PDZD2: variants seen among roughly 807,000 people sequenced by gnomAD.
PDZD2 encodes PDZ domain-containing protein 2.
PDZD2 carries 90 observed loss-of-function variants against 220.7 expected under a neutral mutation model. The ratio of observed to expected loss-of-function variants is 0.41; its 90% CI spans 0.34 to 0.49. The LOEUF is 0.49. Among genes scored for constraint, PDZD2 ranks in the 20% least tolerant of loss-of-function variants. PDZD2 has a pLI of 0.28. For synonymous variants in PDZD2, 1,375 were observed against 1,450.5 expected, an observed-to-expected ratio of 0.95 and a Z score of 1.18; for missense variants, 3,174 against 3,608.5, an observed-to-expected ratio of 0.88 and a Z score of 3.08.
chr5:31,947,809 C>T (rs1746779377), intron 2 of PDZD2, among the ~76,000 whole-genome samples: 1 of 151,566 alleles, frequency 6.6e-6, no homozygotes, highest in South Asian at 2.1e-4. Context: ...AGAGTGTGAC[C>T]TGGTCTATGC....
intron 1 of PDZD2, among the ~76,000 whole-genome samples, chr5:31,675,004 G>C (rs1746351529): frequency 6.6e-6 from 1 of 152,336 alleles, no homozygotes; most frequent in East Asian, 1.9e-4. Flanking sequence ...CTGTATGTGG[G>C]AACCGGGTGC....
chr5:31,647,794 T>C (rs1745188751), intron 1 of PDZD2, among the ~76,000 whole-genome samples: 1 of 152,210 alleles, frequency 6.6e-6, no homozygotes, highest in Admixed American at 6.5e-5. Flanking sequence ...TTTGGGGAGC[T>C]ACTATTCAAC....
rs745579825 is a variant in PDZD2, at chr5:32,074,109, G to A, written c.3003G>A (p.Pro1001=). The change falls in exon 18 of 25, where the codon CCG becomes CCA. Residue 1001 remains proline (P), a synonymous_variant. Coordinates refer to ENST00000438447, the MANE Select transcript of PDZD2 (RefSeq NM_178140.4). ...TCAGGCCTCTGTCAGAGGATGACCCGAGGCGTGTCTCAATTTCCTCTTCCA... is the reference window on the plus strand; with the variant it reads ...TCAGGCCTCTGTCAGAGGATGACCCAAGGCGTGTCTCAATTTCCTCTTCCA... The part of the protein sequence containing the change: ...GPIRPLSEDD[P]RRVSISSSKG... The A allele has an allele frequency of 1.4e-5, 22 of 1,614,082 alleles. No homozygotes were observed. Among genetic ancestry groups the A allele is most frequent in the Middle Eastern group, 1.6e-4 (1 of 6,084 alleles).
chr5:31,906,850 A>G (rs1357000125), intron 2 of PDZD2, among the ~76,000 whole-genome samples: 2 of 152,162 alleles, frequency 1.3e-5, no homozygotes, highest in Non-Finnish European at 2.9e-5. Context: ...CTCAAAAAAA[A>G]GAAAAAACAA....
intron 2 of PDZD2, among the ~76,000 whole-genome samples, chr5:31,854,464 T>C (rs1580899721): frequency 2.0e-5 from 3 of 152,322 alleles, no homozygotes; most frequent in African/African-American, 4.8e-5. Context: ...CGGGGATTTC[T>C]GGAAAGTTCC....
intron 1 of PDZD2, among the ~76,000 whole-genome samples, chr5:31,727,984 C>CA (rs1385625032): frequency 2.6e-5 from 3 of 117,428 alleles, no homozygotes; most frequent in Non-Finnish European, 4.9e-5. Context: ...GCCTGGGCCA[C>CA]AGAGCCAGAC....
intron 2 of PDZD2, among the ~76,000 whole-genome samples, chr5:31,962,278 T>A (rs571839166): frequency 3.3e-5 from 5 of 152,228 alleles, no homozygotes; most frequent in Admixed American, 1.3e-4. Context: ...TTAGCAGTCT[T>A]TCCTTTAACT....
intron 2 of PDZD2, among the ~76,000 whole-genome samples, chr5:31,932,177 T>G (rs1745355112): frequency 6.6e-6 from 1 of 152,192 alleles, no homozygotes; most frequent in Non-Finnish European, 1.5e-5. Flanking sequence ...ATTTATGAAT[T>G]GCATTTTATG....
intron 2 of PDZD2, among the ~76,000 whole-genome samples, chr5:31,801,810 G>A (rs1332283062): frequency 1.3e-5 from 2 of 152,166 alleles, no homozygotes; most frequent in Non-Finnish European, 2.9e-5. Flanking sequence ...TAGTCTATAT[G>A]TATTAATATC....
At chr5:31,907,248 T>C (rs1363100597) in intron 2 of PDZD2, among the ~76,000 whole-genome samples, 1 of 152,230 alleles carries the variant, frequency 6.6e-6, no homozygotes, top group East Asian at 1.9e-4. Context: ...AGCAGCATGG[T>C]TGGTTTCTGG....
At chr5:31,939,916 CAAAAT>C (rs756503035) in intron 2 of PDZD2, among the ~76,000 whole-genome samples, 1 of 152,128 alleles carries the variant, frequency 6.6e-6, no homozygotes, top group Non-Finnish European at 1.5e-5. Flanking sequence ...AACAGCCAGA[CAAAAT>C]AAAAGTTATG....
intron 2 of PDZD2, among the ~76,000 whole-genome samples, chr5:31,880,791 C>CTTTTTCCTTTTT (rs1739798959): frequency 1.3e-5 from 1 of 76,470 alleles, no homozygotes; most frequent in Admixed American, 1.4e-4. Context: ...TTTTTTTTTT[C>CTTTTTCCTTTTT]TTTTTTTTTT....
chr5:32,033,015 A>G (rs1055636437), intron 6 of PDZD2, among the ~76,000 whole-genome samples: 19 of 152,250 alleles, frequency 1.2e-4, no homozygotes, highest in African/African-American at 4.6e-4. Flanking sequence ...CTCCATTAAT[A>G]TAATGGGATT....
At position 31,690,232 on chromosome 5, in the gene PDZD2, T is replaced by C. The variant is rs114423942; in HGVS notation, c.-361+50795T>C. On this transcript the variant is annotated intron_variant, in intron 1 of 24. Coordinates refer to ENST00000438447, the MANE Select transcript of PDZD2 (RefSeq NM_178140.4). ...CATTTCTTCTGGGTCCAAACCACCC[T>C]GGCCAATTCCTCACTAAACTTCGGT... Among the ~76,000 whole-genome samples, 857 of 152,186 alleles carry C rather than the reference T, an allele frequency of 5.6e-3. 12 individuals carry two copies. The highest frequency in any genetic ancestry group is 0.02 in the African/African-American group (819 of 41,536).
At chr5:31,787,832 G>A (rs1392472459) in intron 1 of PDZD2, 2 of 152,102 alleles carry the variant, frequency 1.3e-5, no homozygotes, top group Non-Finnish European at 2.9e-5. Context: ...TCACTTCTCA[G>A]AATCCATCCT....
Position 32,088,975 on chromosome 5 carries a change from A to G in PDZD2, c.5527A>G (p.Lys1843Glu), listed in dbSNP as rs1425432232. Residue 1843 changes from lysine (K) to glutamate (E), a missense_variant, in exon 20 of 25, where the codon AAG becomes GAG. Lys to Glu is a moderately conservative substitution (Grantham distance 56). This residue lies in a region of PDZD2 where 1,861 missense variants were observed against 2,001.0 expected (regional missense o/e 0.93). Transcript: ENST00000438447. This position sits in a 1 kb window ranked among gnomAD's most constrained non-coding sequence, Gnocchi z 4.6. ...KIQMVSSSQK[K>E]GVTVPHSPPQ... ...TCAGATGGTGAGTTCAAGCCAAAAA[A>G]AGGGCGTTACTGTGCCTCATAGCCC... The G allele has an allele frequency of 6.2e-7, 1 of 1,614,060 alleles. No homozygotes were observed. The highest frequency in any genetic ancestry group is 1.1e-5 in the South Asian group (1 of 91,078).
chr5:32,022,185 G>GTTTTTTTTTTTTTTTTTTTTTTTTTTT (rs145876120), intron 6 of PDZD2, among the ~76,000 whole-genome samples: 2 of 135,592 alleles, frequency 1.5e-5, no homozygotes, highest in Non-Finnish European at 1.6e-5. Flanking sequence ...TTGTTTTTTT[G>GTTTTTTTTTTTTTTTTTTTTTTTTTTT]TTTTTTTGTT....
At chr5:31,711,837 T>G (rs1007654490) in intron 1 of PDZD2, among the ~76,000 whole-genome samples, 3 of 152,214 alleles carry the variant, frequency 2.0e-5, no homozygotes, top group Admixed American at 6.5e-5. Context: ...AACCAGTCAC[T>G]GGCTGCAGCT....
At chr5:31,817,931 T>G in intron 2 of PDZD2, among the ~76,000 whole-genome samples, 1 of 150,648 alleles carries the variant, frequency 6.6e-6, no homozygotes, top group Middle Eastern at 3.5e-3. Flanking sequence ...CCCGAAGTAC[T>G]GGGATTACTG....
Sources: gnomAD v4.1 joint callset for allele counts (sites outside exome capture counted in the v4.1 genomes callset) on GRCh38, gnomAD v4.1.1 for gene constraint, gnomAD v4.1.1 regional missense constraint, Gnocchi (gnomAD v3.1) non-coding constraint, MANE v1.5 for transcripts, NCBI Gene and HGNC (gene_info 2026-07-23, HGNC 2026-07-21) for gene names.